Variants in BRD10 observed in about 807,000 individuals in gnomAD.
BRD10 encodes bromodomain containing 10.
the BRD10 span, among the ~76,000 whole-genome samples, chr9:5,990,303 T>G: frequency 6.6e-6 from 1 of 152,240 alleles, no homozygotes; most frequent in South Asian, 2.1e-4. Flanking sequence ...CTATATAATT[T>G]TAACTACTTC....
the BRD10 span, among the ~76,000 whole-genome samples, chr9:5,888,363 T>G: frequency 1.3e-5 from 2 of 152,236 alleles, no homozygotes; most frequent in African/African-American, 4.8e-5. Context: ...ATTAAATACA[T>G]TCTTAAATAA....
the BRD10 span, chr9:5,897,784 C>G: frequency 1.3e-6 from 1 of 794,822 alleles, no homozygotes; most frequent in Non-Finnish European, 2.1e-6. Context: ...CTTCTGATGC[C>G]TCTTTTGCTA....
At chr9:5,897,157 C>G in the BRD10 span, among the ~76,000 whole-genome samples, 1 of 152,194 alleles carries the variant, frequency 6.6e-6, no homozygotes, top group African/African-American at 2.4e-5. Context: ...GTAGATGAGT[C>G]AGTGTTAATT....
At chr9:5,921,120 G>A in the BRD10 span, 3 of 1,613,836 alleles carry the variant, frequency 1.9e-6, no homozygotes, top group South Asian at 2.2e-5. Flanking sequence ...GAGCTTACTG[G>A]AACTGAATTA....
At chr9:5,999,201 C>G in the BRD10 span, among the ~76,000 whole-genome samples, 1 of 151,782 alleles carries the variant, frequency 6.6e-6, no homozygotes, top group African/African-American at 2.4e-5. Context: ...ATTTTTTTCC[C>G]TGAGAACAGA....
the BRD10 span, among the ~76,000 whole-genome samples, chr9:5,911,282 C>T: frequency 6.6e-6 from 1 of 152,086 alleles, no homozygotes; most frequent in African/African-American, 2.4e-5. Context: ...TTTTCCAGCA[C>T]CATTTTTTGA....
At chr9:6,002,873 T>C in the BRD10 span, among the ~76,000 whole-genome samples, 1 of 152,056 alleles carries the variant, frequency 6.6e-6, no homozygotes, top group South Asian at 2.1e-4. Context: ...TAAGTAAAGA[T>C]GGGGTTTCAT....
chr9:5,995,635 A>AC, the BRD10 span, among the ~76,000 whole-genome samples: 1 of 152,122 alleles, frequency 6.6e-6, no homozygotes, highest in African/African-American at 2.4e-5. Flanking sequence ...CAGTTAGGAA[A>AC]TGCAAAGGGT....
At chr9:5,974,134 A>T in the BRD10 span, among the ~76,000 whole-genome samples, 3 of 152,200 alleles carry the variant, frequency 2.0e-5, no homozygotes, top group Non-Finnish European at 4.4e-5. Context: ...AAATCTTAAA[A>T]GATGCAGAAA....
chr9:5,896,058 A>G, the BRD10 span, among the ~76,000 whole-genome samples: 2 of 152,178 alleles, frequency 1.3e-5, no homozygotes, highest in African/African-American at 4.8e-5. Context: ...CTCTGCAGGA[A>G]AAGCACTGGC....
the BRD10 span, chr9:5,907,156 G>A: frequency 1.0e-5 from 4 of 398,482 alleles, no homozygotes; most frequent in Non-Finnish European, 1.8e-5. Flanking sequence ...ACTTTTATGT[G>A]TATTTTATGA....
the BRD10 span, among the ~76,000 whole-genome samples, chr9:5,959,704 A>G: frequency 6.6e-6 from 1 of 152,220 alleles, no homozygotes; most frequent in South Asian, 2.1e-4. Flanking sequence ...CTTTTCACAG[A>G]TACGGGCCTG....
At chr9:5,924,473 G>A in the BRD10 span, among the ~76,000 whole-genome samples, 3 of 151,772 alleles carry the variant, frequency 2.0e-5, no homozygotes, top group African/African-American at 7.3e-5. Flanking sequence ...GTTGAGATGG[G>A]GTCTCGCTAT....
the BRD10 span, among the ~76,000 whole-genome samples, chr9:5,923,722 T>C: frequency 1.3e-5 from 2 of 152,206 alleles, no homozygotes; most frequent in Non-Finnish European, 2.9e-5. Context: ...GGTTCTCCAA[T>C]CTATTCTATT....
the BRD10 span, among the ~76,000 whole-genome samples, chr9:5,940,518 C>T: frequency 2.6e-5 from 4 of 152,286 alleles, no homozygotes; most frequent in Admixed American, 2.0e-4. Flanking sequence ...TAAAACTTAA[C>T]ATTTCACAAA....
the BRD10 span, chr9:5,920,090 G>A: frequency 6.2e-7 from 1 of 1,613,948 alleles, no homozygotes; most frequent in Non-Finnish European, 8.5e-7. Flanking sequence ...ATTCCCAAAA[G>A]AGTTTATAAA....
At chr9:5,922,621 T>C in the BRD10 span, 1 of 1,613,928 alleles carries the variant, frequency 6.2e-7, no homozygotes, top group Admixed American at 1.7e-5. Flanking sequence ...GTTGAAGTGG[T>C]GGCACTTCTT....
chr9:5,925,437 C>T, the BRD10 span, among the ~76,000 whole-genome samples: 1 of 151,772 alleles, frequency 6.6e-6, no homozygotes, highest in Non-Finnish European at 1.5e-5. Flanking sequence ...AACATACCAT[C>T]TGATCATCTT....
chr9:5,962,201 C>T, the BRD10 span, among the ~76,000 whole-genome samples: 16 of 151,226 alleles, frequency 1.1e-4, no homozygotes, highest in African/African-American at 3.9e-4. Flanking sequence ...ATCAAATAGA[C>T]ACAATAAAAA....
Sources: allele counts gnomAD v4.1 joint callset (sites outside exome capture counted in the v4.1 genomes callset), GRCh38; gene constraint gnomAD v4.1.1; transcripts MANE v1.5; gene names NCBI Gene and HGNC (gene_info 2026-07-23, HGNC 2026-07-21).